TSC22D3: variants seen among roughly 807,000 people sequenced by gnomAD.
The protein encoded by TSC22D3 is TSC22 domain family member 3, also known as TSC22 domain family protein 3.
A neutral mutation model predicts 11.1 loss-of-function variants in TSC22D3; 4 were observed. That is an observed-to-expected ratio of 0.36 (90% CI 0.18 to 0.83). TSC22D3 has a LOEUF of 0.83. Among genes scored for constraint, TSC22D3 ranks in the 40% least tolerant of loss-of-function variants. The pLI, the probability that TSC22D3 is intolerant of heterozygous loss-of-function variation, is 0.48. For synonymous variants in TSC22D3, 77 were observed against 70.3 expected, an observed-to-expected ratio of 1.10 and a Z score of -0.48; for missense variants, 118 against 159.4, an observed-to-expected ratio of 0.74 and a Z score of 1.40.
intron 1 of TSC22D3, 171 bp from the exon 2 acceptor site, chrX:107,716,121 G>T: frequency 1.6e-6 from 1 of 622,154 alleles, no homozygotes; most frequent in Non-Finnish European, 2.4e-6. Flanking sequence ...CTTGGCCCCT[G>T]CAGGAAGCTG....
At chrX:107,715,794 A>G in intron 2 of TSC22D3, 105 bp downstream of exon 2, 2 of 1,011,767 alleles carry the variant, frequency 2.0e-6, no homozygotes, top group Non-Finnish European at 1.4e-6. Context: ...CGGCTTCCTC[A>G]GGGTTTTGGC....
chrX:107,757,028 G>A (rs73525038), intron 1 of TSC22D3, among the ~76,000 whole-genome samples: 2,376 of 112,255 alleles, frequency 0.021, 63 homozygotes, highest in African/African-American at 0.073. Context: ...GGCCTTCAGT[G>A]GGAACAAGAG....
intron 1 of TSC22D3, among the ~76,000 whole-genome samples, chrX:107,766,669 G>A (rs1212346268): frequency 9.0e-6 from 1 of 111,517 alleles, no homozygotes; most frequent in Non-Finnish European, 1.9e-5. Flanking sequence ...TTGCCTGTCT[G>A]CTTACATTTA....
At chrX:107,740,882 C>T (rs1244467939) in intron 1 of TSC22D3, among the ~76,000 whole-genome samples, 3 of 109,866 alleles carry the variant, frequency 2.7e-5, no homozygotes, top group African/African-American at 6.6e-5. Flanking sequence ...TTGGTAAGAC[C>T]CAAGCTTTAA....
At chrX:107,763,481 C>T (rs1236102064) in intron 1 of TSC22D3, among the ~76,000 whole-genome samples, 1 of 111,074 alleles carries the variant, frequency 9.0e-6, no homozygotes, top group Non-Finnish European at 1.9e-5. Context: ...GTTTATTTGT[C>T]CTTCCCAGAA....
intron 1 of TSC22D3, among the ~76,000 whole-genome samples, chrX:107,724,745 G>A (rs1306502293): frequency 8.9e-6 from 1 of 112,317 alleles, no homozygotes; most frequent in Admixed American, 9.3e-5. Flanking sequence ...TGGACACGGG[G>A]GAACCAATTT....
Position 107,775,114 on chromosome X carries a change from C to G in TSC22D3, c.306G>C (p.Leu102=). 1.7e-6 allele frequency: 2 copies of G among 1,211,263 alleles called. No homozygotes were observed. Among genetic ancestry groups the G allele is most frequent in the Admixed American group, 2.2e-5 (1 of 46,079 alleles). The change falls in exon 1 of 3, where the codon CTG becomes CTC. Residue 102 remains leucine, a synonymous_variant. Coordinates refer to ENST00000372383, the MANE Select transcript of TSC22D3 (RefSeq NM_198057.3). ...RNIDQTMLSI[L]LFFHSASGAS... is the part of the protein sequence containing the mutation. ...GAGCCACCCACCTGTGGAAGAAGAG[C>G]AGGATGGAGAGCATGGTCTGGTCGA...
chrX:107,718,610 G>A (rs1602946189), intron 1 of TSC22D3, among the ~76,000 whole-genome samples: 1 of 113,214 alleles, frequency 8.8e-6, no homozygotes, highest in East Asian at 2.8e-4. Context: ...CGGCTTCCAG[G>A]GCAGTTATGC....
intron 1 of TSC22D3, among the ~76,000 whole-genome samples, chrX:107,744,387 G>A (rs1275347283): frequency 9.0e-6 from 1 of 111,040 alleles, no homozygotes; most frequent in South Asian, 3.8e-4. Context: ...AGGTTGAGGC[G>A]GGCGGATTGC....
intron 1 of TSC22D3, among the ~76,000 whole-genome samples, chrX:107,759,261 CT>C (rs948267606): frequency 7.2e-5 from 8 of 110,807 alleles, no homozygotes; most frequent in African/African-American, 9.9e-5. Context: ...TTCTCATTCT[CT>C]TTTTTTTGTC....
chrX:107,724,063 A>G (rs1015529607), intron 1 of TSC22D3, among the ~76,000 whole-genome samples: 1 of 112,813 alleles, frequency 8.9e-6, no homozygotes, highest in Non-Finnish European at 1.9e-5. Flanking sequence ...GCTATTCACC[A>G]TGAGCTCATT....
intron 1 of TSC22D3, among the ~76,000 whole-genome samples, chrX:107,731,693 T>C (rs1927888509): frequency 9.0e-6 from 1 of 111,585 alleles, no homozygotes; most frequent in Non-Finnish European, 1.9e-5. Context: ...GCTTCTTCAG[T>C]CAAGAGGCGT....
chrX:107,730,432 G>T (rs1927830091), intron 1 of TSC22D3, among the ~76,000 whole-genome samples: 1 of 111,931 alleles, frequency 8.9e-6, no homozygotes. Flanking sequence ...CCTTATCAGG[G>T]TCATGGTGGG....
chrX:107,766,457 C>G (rs1055425131), intron 1 of TSC22D3, among the ~76,000 whole-genome samples: 3 of 95,908 alleles, frequency 3.1e-5, no homozygotes, highest in Non-Finnish European at 4.2e-5. Flanking sequence ...TTTCCGCCCC[C>G]CCCCCAACAA....
At chrX:107,737,191 G>A (rs998514266) in intron 1 of TSC22D3, among the ~76,000 whole-genome samples, 42 of 111,780 alleles carry the variant, frequency 3.8e-4, no homozygotes, top group African/African-American at 1.2e-3. Flanking sequence ...ACCAATGGGG[G>A]ACAAGGGGCA....
chrX:107,716,266 A>C, intron 1 of TSC22D3: 1 of 913,551 alleles, frequency 1.1e-6, no homozygotes, highest in South Asian at 4.1e-5. Flanking sequence ...GGGCTGTGCG[A>C]CCCGGGGAGT....
At chrX:107,750,682 G>T (rs1928897316) in intron 1 of TSC22D3, among the ~76,000 whole-genome samples, 1 of 111,043 alleles carries the variant, frequency 9.0e-6, no homozygotes, top group South Asian at 3.8e-4. Flanking sequence ...AGCAGGCTCA[G>T]CAACAGGGCA....
chrX:107,731,258 T>G (rs1011513639), intron 1 of TSC22D3, among the ~76,000 whole-genome samples: 1 of 111,782 alleles, frequency 8.9e-6, no homozygotes, highest in Non-Finnish European at 1.9e-5. Context: ...GCTGCATGAA[T>G]GTACAGGGAT....
At chrX:107,716,883 G>T in intron 1 of TSC22D3, 1 of 1,189,200 alleles carries the variant, frequency 8.4e-7, no homozygotes, top group Non-Finnish European at 1.1e-6. Flanking sequence ...GGTGGCTGCT[G>T]GCAGGCTGCG....
Sources: gnomAD v4.1 joint callset for allele counts (sites outside exome capture counted in the v4.1 genomes callset) on GRCh38, gnomAD v4.1.1 for gene constraint, MANE v1.5 for transcripts, NCBI Gene and HGNC (gene_info 2026-07-23, HGNC 2026-07-21) for gene names.